Variants in CREB3 observed in about 807,000 individuals in gnomAD.
CREB3 encodes the protein cyclic AMP-responsive element-binding protein 3.
A neutral mutation model predicts 34.5 loss-of-function variants in CREB3; 29 were observed. The observed-to-expected ratio is 0.84, with a 90% confidence interval of 0.63 to 1.15. CREB3 has a LOEUF of 1.15. Among genes scored for constraint, CREB3 ranks in the 50% most tolerant of loss-of-function variants. The pLI is 0.00. For synonymous variants in CREB3, 187 were observed against 173.9 expected (o/e 1.08, Z -0.59); for missense variants, 447 against 443.4 (o/e 1.01, Z -0.07).
rs1826237049 is a variant in CREB3 at position 35,736,914 on chromosome 9, A to G, written c.*188A>G. 2.7e-6 allele frequency: 2 copies of G among 728,302 alleles called. No individual in the cohort carries two copies. Among genetic ancestry groups the G allele is most frequent in the Non-Finnish European group, 4.4e-6 (2 of 451,934 alleles). 45.1% of individuals were successfully genotyped at this position (728,302 alleles called of 1,614,324 possible). ...TACCCATGTGTCTGTCACACCATGA[A>G]TGTACCTGGGGAAATCAACTGACCT... On this transcript the variant is annotated 3_prime_UTR_variant, in exon 9 of 9. Transcript: ENST00000353704.
chr9:35,736,917 TACCTGGGGAAATCA>T lies in CREB3; in HGVS notation c.*194_*207del. Reference sequence around the variant, plus strand: ...CCATGTGTCTGTCACACCATGAATGTACCTGGGGAAATCAACTGACCTCCCTGAACATTTCACGC... The same window carrying T: ...CCATGTGTCTGTCACACCATGAATGTACTGACCTCCCTGAACATTTCACGC... On this transcript the variant is annotated 3_prime_UTR_variant, in exon 9 of 9. Coordinates refer to ENST00000353704, the MANE Select transcript of CREB3 (RefSeq NM_006368.5). 2 of 727,860 alleles carry T rather than the reference TACCTGGGGAAATCA, an allele frequency of 2.7e-6. No individual in the cohort carries two copies. Among genetic ancestry groups the T allele is most frequent in the Non-Finnish European group, 2.2e-6 (1 of 451,726 alleles). 45.1% of individuals were successfully genotyped at this position (727,860 alleles called of 1,614,324 possible).
rs1401004351 is a variant in CREB3 at position 35,735,114 on chromosome 9, G to A, written c.441G>A (p.Glu147=). The A allele has an allele frequency of 3.1e-6, 5 of 1,599,752 alleles. No individual in the cohort carries two copies. The East Asian group carries it at 8.9e-5, about 29-fold the overall frequency. Residue 147 remains glutamate (E), a synonymous_variant, in exon 5 of 9, where the codon GAG becomes GAA. Transcript: ENST00000353704. The part of the protein sequence containing the change: ...LPETLPLTKT[E]EQILKRVRRK... ...CTTTCCCTGTTTCCTTTCAGACAGA[G>A]GAACAAATTCTGAAACGTGTGCGGA...
rs1379084678 is a variant in CREB3, at chr9:35,732,814, C to T, written c.42C>T (p.Ala14=). ...ELDAGDQDLL[A]FLLEESGDLG... is the part of the protein sequence containing the mutation. ...ATGCTGGTGACCAAGACCTGCTGGCCTTCCTGCTAGAGGAAAGTGGAGATT... is the reference window on the plus strand; with the variant it reads ...ATGCTGGTGACCAAGACCTGCTGGCTTTCCTGCTAGAGGAAAGTGGAGATT... Residue 14 remains alanine, a synonymous_variant, in exon 1 of 9, where the codon GCC becomes GCT. Transcript: ENST00000353704. The surrounding 1 kb of genome is among the most constrained non-coding windows in gnomAD (Gnocchi z 5.1). 8 of 1,614,106 alleles carry T rather than the reference C, an allele frequency of 5.0e-6. No individual in the cohort carries two copies. The highest frequency in any genetic ancestry group is 1.7e-5 in the Admixed American group (1 of 60,002).
chr9:35,735,086 T>C lies in CREB3; in HGVS notation c.436-23T>C, dbSNP rs779759238. The C allele has an allele frequency of 3.8e-6, 6 of 1,577,032 alleles. No homozygotes were observed. In the African/African-American group the frequency reaches 6.9e-5, roughly 18 times the overall value. ...TTTTTCTAGAGTTCCTCTAATGATA[T>C]CCCTTTCCCTGTTTCCTTTCAGACA... is the stretch of plus-strand genomic sequence containing the variant. On this transcript the variant is annotated intron_variant, in intron 4 of 8. Transcript: ENST00000353704.
intron 4 of CREB3, 25 bp downstream of exon 4, chr9:35,733,510 A>G (rs1826134643): frequency 1.3e-6 from 2 of 1,547,740 alleles, no homozygotes; most frequent in Admixed American, 3.4e-5. Flanking sequence ...GGTTGAACAA[A>G]GGCTGAAAAG....
rs1232192960 is a variant in CREB3 at position 35,736,287 on chromosome 9, G to T, written c.757G>T (p.Gly253Trp). 1.9e-6 allele frequency: 3 copies of T among 1,614,108 alleles called. No individual in the cohort carries two copies. The highest frequency in any genetic ancestry group is 2.5e-6 in the Non-Finnish European group (3 of 1,180,002). ...TGCTATGTACTCCTCTGACACAAGG[G>T]GGAGCCTGCCAGCTGAGCATGGAGG... Reference protein sequence around the residue: ...VPAMYSSDTRGSLPAEHGVLS... With the variant: ...VPAMYSSDTRWSLPAEHGVLS... Residue 253 changes from glycine (G) to tryptophan (W), a missense_variant, in exon 8 of 9, where the codon GGG (glycine) becomes TGG (tryptophan). Physicochemically the swap from Gly to Trp is radical, Grantham distance 184. Coordinates refer to ENST00000353704, the MANE Select transcript of CREB3 (RefSeq NM_006368.5).
rs1393014241 is a variant in CREB3, at chr9:35,732,675, C to T, written c.-98C>T. On this transcript the variant is annotated 5_prime_UTR_variant, in exon 1 of 9. Coordinates refer to ENST00000353704, the MANE Select transcript of CREB3 (RefSeq NM_006368.5). This position sits in a 1 kb window ranked among gnomAD's most constrained non-coding sequence, Gnocchi z 5.1. ...GCGGGGAATCCCGGCCGTAGAGGGA[C>T]AGTGGATAGGTGCCCGAGGCCTACA... 18 of 1,485,402 alleles carry T rather than the reference C, an allele frequency of 1.2e-5. No individual in the cohort carries two copies. The highest frequency in any genetic ancestry group is 1.4e-5 in the Non-Finnish European group (16 of 1,103,912). 92.0% of individuals were successfully genotyped at this position (1,485,402 alleles called of 1,614,324 possible).
intron 5 of CREB3, 27 bp from the exon 6 acceptor site, chr9:35,735,279 T>G: frequency 1.9e-6 from 3 of 1,609,076 alleles, no homozygotes; most frequent in Non-Finnish European, 2.6e-6. Context: ...ACAGGCCATA[T>G]CCCCGTATCT....
In CREB3 at chr9:35,733,026, C is replaced by A; in HGVS notation, c.160C>A (p.Leu54Met). The change falls in exon 2 of 9, where the codon CTG becomes ATG. Residue 54 changes from leucine to methionine, a missense_variant. By Grantham distance (15) the Leu-to-Met change is conservative. Coordinates refer to ENST00000353704, the MANE Select transcript of CREB3 (RefSeq NM_006368.5). Reference protein sequence around the residue: ...VPSDWEVDDLLCSLLSPPASL... With the variant: ...VPSDWEVDDLMCSLLSPPASL... ...GAGCGACTGGGAAGTAGATGATTTG[C>A]TGTGCTCCCTGCTGAGTCCCCCAGC... The A allele has an allele frequency of 6.2e-7, 1 of 1,614,232 alleles. No homozygotes were observed. The highest frequency in any genetic ancestry group is 8.5e-7 in the Non-Finnish European group (1 of 1,180,036).
Position 35,732,934 on chromosome 9 carries a change from G to A in CREB3, c.129+33G>A. On this transcript the variant is annotated intron_variant, in intron 1 of 8. Transcript: ENST00000353704. The surrounding 1 kb of genome is among the most constrained non-coding windows in gnomAD (Gnocchi z 5.1). ...GGGGTTCTGACTGGGGAAAGCGTGG[G>A]ATGTCCATGAAGTCAGGTGATGGTG... 1 of 1,612,980 alleles carries A rather than the reference G, an allele frequency of 6.2e-7. No homozygotes were observed. Among genetic ancestry groups the A allele is most frequent in the South Asian group, 1.1e-5 (1 of 90,956 alleles).
Position 35,735,228 on chromosome 9 carries a change from G to C in CREB3, c.542+13G>C, listed in dbSNP as rs1440898355. On this transcript the variant is annotated intron_variant, in intron 5 of 8. Coordinates refer to ENST00000353704, the MANE Select transcript of CREB3 (RefSeq NM_006368.5). Reference sequence around the variant, plus strand: ...GTTTAGAGAGCAGGTATGAAAGGGAGAGGGACTCTGTTGTAAGTATTAGGT... The same window carrying C: ...GTTTAGAGAGCAGGTATGAAAGGGACAGGGACTCTGTTGTAAGTATTAGGT... 2.5e-6 allele frequency: 4 copies of C among 1,612,676 alleles called. No homozygotes were observed. The East Asian group carries it at 8.9e-5, about 36-fold the overall frequency.
At chr9:35,735,627 C>T (rs1826187080) in intron 6 of CREB3, among the ~76,000 whole-genome samples, 1 of 152,192 alleles carries the variant, frequency 6.6e-6, no homozygotes, top group African/African-American at 2.4e-5. Flanking sequence ...GTTGGGAAAG[C>T]ATTCTAGGCA....
intron 4 of CREB3, 150 bp from the exon 5 acceptor site, chr9:35,734,959 C>T (rs10814274): frequency 0.42 from 269,956 of 645,806 alleles, 57,646 homozygotes; most frequent in Middle Eastern, 0.49. Context: ...ACACCTGGTC[C>T]GTGGAGGCAT....
At position 35,735,519 on chromosome 9, in the gene CREB3, C is replaced by T; in HGVS notation, c.611+145C>T. On this transcript the variant is annotated intron_variant, in intron 6 of 8. Transcript: ENST00000353704. The stretch of plus-strand genomic sequence containing the variant: ...AAGAAGCTCCCAGTAGTGAGGAATA[C>T]ATTTACAAGTAACTAAGAATAAGTT... 3 of 700,772 alleles carry T rather than the reference C, an allele frequency of 4.3e-6. No individual in the cohort carries two copies. The South Asian group carries it at 5.1e-5, about 12-fold the overall frequency. 43.4% of individuals were successfully genotyped at this position (700,772 alleles called of 1,614,324 possible).
Position 35,732,880 on chromosome 9 carries a change from C to G in CREB3, c.108C>G (p.Asp36Glu). ...ATGAGGCCGTGAGGGCCCCACTGGA[C>G]TGGGCGCTGCCGCTTTCTGAGGTAG... Reference protein sequence around the residue: ...APDEAVRAPLDWALPLSEVPS... With the variant: ...APDEAVRAPLEWALPLSEVPS... Residue 36 changes from aspartate (D) to glutamate (E), a missense_variant, in exon 1 of 9, where the codon GAC becomes GAG. Transcript: ENST00000353704. The surrounding 1 kb of genome is among the most constrained non-coding windows in gnomAD (Gnocchi z 5.1). 1 of 1,614,050 alleles carries G rather than the reference C, an allele frequency of 6.2e-7. No individual in the cohort carries two copies.
intron 4 of CREB3, among the ~76,000 whole-genome samples, chr9:35,734,517 A>G (rs781205098): frequency 1.3e-5 from 2 of 152,024 alleles, no homozygotes; most frequent in South Asian, 2.1e-4. Flanking sequence ...GGTTTATTCT[A>G]TTTGGCCCCA....
chr9:35,734,781 C>T (rs918467576), intron 4 of CREB3, among the ~76,000 whole-genome samples: 3 of 152,068 alleles, frequency 2.0e-5, no homozygotes, highest in African/African-American at 7.2e-5. Flanking sequence ...TTAGTAGAGA[C>T]AAGGTCTCAC....
intron 4 of CREB3, among the ~76,000 whole-genome samples, chr9:35,734,512 A>C (rs1269182477): frequency 6.6e-6 from 1 of 152,030 alleles, no homozygotes; most frequent in African/African-American, 2.4e-5. Flanking sequence ...AACAGGGTTT[A>C]TTCTATTTGG....
rs781625060 is a variant in CREB3, at chr9:35,733,376, C to T, written c.346-20C>T. The T allele has an allele frequency of 6.2e-7, 1 of 1,611,332 alleles. No homozygotes were observed. ...TCTGACATCCCCATGCAACTGCCGT[C>T]CACTTTCTTGTTACCCTAGGAGATT... On this transcript the variant is annotated intron_variant, in intron 3 of 8. Transcript: ENST00000353704.
Sources: gnomAD v4.1 joint callset for allele counts (sites outside exome capture counted in the v4.1 genomes callset) on GRCh38, gnomAD v4.1.1 for gene constraint, Gnocchi (gnomAD v3.1) non-coding constraint, MANE v1.5 for transcripts, NCBI Gene and HGNC (gene_info 2026-07-23, HGNC 2026-07-21) for gene names.